The following GRIN2A variants were observed in gnomAD, a reference collection of about 807,000 sequenced individuals.
GRIN2A encodes the protein glutamate receptor ionotropic, NMDA 2A.
GRIN2A carries 22 observed loss-of-function variants against 113.4 expected under a neutral mutation model. The ratio of observed to expected loss-of-function variants is 0.19; its 90% CI spans 0.14 to 0.28. The LOEUF (loss-of-function observed/expected upper bound fraction) is 0.28, where lower values mean the gene tolerates loss of function less well. Ranked by LOEUF, GRIN2A falls within the 10% of genes least tolerant of loss-of-function variation. The probability of loss-of-function intolerance (pLI) is 1.00; values close to 1 mark genes in which losing one functional copy is unlikely to be tolerated. For missense variants in GRIN2A, 1,502 were observed against 1,887.0 expected (o/e 0.80, Z 3.78); for synonymous variants, 827 against 738.4 (o/e 1.12, Z -1.94).
At chr16:9,857,913 G>A (rs908040271) in intron 4 of GRIN2A, among the ~76,000 whole-genome samples, 4 of 152,158 alleles carry the variant, frequency 2.6e-5, no homozygotes, top group Non-Finnish European at 4.4e-5. Flanking sequence ...CATAAATCAC[G>A]CTTTTCTCCA....
chr16:9,875,500 C>A (rs950802647), intron 4 of GRIN2A, among the ~76,000 whole-genome samples: 3 of 152,166 alleles, frequency 2.0e-5, no homozygotes, highest in Admixed American at 2.0e-4. Flanking sequence ...TAGCCAGAAG[C>A]AGATTGCTGG....
intron 3 of GRIN2A, among the ~76,000 whole-genome samples, chr16:9,921,579 G>A (rs937539143): frequency 8.5e-5 from 13 of 152,220 alleles, no homozygotes; most frequent in African/African-American, 2.9e-4. Context: ...ATATAAGATG[G>A]TGCATGTGAA....
intron 4 of GRIN2A, 80 bp from the exon 5 acceptor site, chr16:9,850,041 G>C (rs1298423196): frequency 8.2e-7 from 1 of 1,217,250 alleles, no homozygotes; most frequent in Non-Finnish European, 1.2e-6. Flanking sequence ...CCCTGCCAGA[G>C]ACATCCATCC....
At chr16:9,831,569 G>T (rs2042496782) in intron 8 of GRIN2A, among the ~76,000 whole-genome samples, 1 of 142,808 alleles carries the variant, frequency 7.0e-6, no homozygotes, top group Non-Finnish European at 1.5e-5. Flanking sequence ...AGGCTGCAGT[G>T]CAGTGGCACA....
At chr16:9,955,703 A>T (rs569745418) in intron 2 of GRIN2A, among the ~76,000 whole-genome samples, 67 of 152,310 alleles carry the variant, frequency 4.4e-4, no homozygotes, top group Non-Finnish European at 7.4e-4. Context: ...TATCTCCAGC[A>T]CTGTAGAAGC....
intron 2 of GRIN2A, among the ~76,000 whole-genome samples, chr16:10,120,735 G>A (rs188995061): frequency 1.3e-5 from 2 of 152,122 alleles, no homozygotes; most frequent in African/African-American, 2.4e-5. Flanking sequence ...TAGGTCTTCC[G>A]CATGGTCAAG....
chr16:9,790,908 C>T (rs1306263699), intron 11 of GRIN2A, among the ~76,000 whole-genome samples: 3 of 152,176 alleles, frequency 2.0e-5, no homozygotes, highest in Non-Finnish European at 4.4e-5. Context: ...ACATGGATAG[C>T]GTATGCCCTC....
chr16:9,845,431 G>A (rs28600747), intron 5 of GRIN2A, among the ~76,000 whole-genome samples: 7,824 of 152,186 alleles, frequency 0.051, 671 homozygotes, highest in African/African-American at 0.17. Flanking sequence ...GAAACACAGA[G>A]GGTATTGTTA....
chr16:10,160,539 T>A (rs1158365177), intron 2 of GRIN2A, among the ~76,000 whole-genome samples: 1 of 152,244 alleles, frequency 6.6e-6, no homozygotes, highest in African/African-American at 2.4e-5. Flanking sequence ...AAGCCCCATC[T>A]GCATCTCTCA....
chr16:10,172,049 G>A (rs1427369648), intron 2 of GRIN2A, among the ~76,000 whole-genome samples: 1 of 152,150 alleles, frequency 6.6e-6, no homozygotes, highest in Non-Finnish European at 1.5e-5. Context: ...AAAGATAACT[G>A]CTATTCATAT....
intron 2 of GRIN2A, among the ~76,000 whole-genome samples, chr16:10,134,827 T>C (rs2049157733): frequency 6.6e-6 from 1 of 152,168 alleles, no homozygotes; most frequent in Non-Finnish European, 1.5e-5. Context: ...CTAATATCTA[T>C]TCTTTGCTTC....
chr16:9,840,348 G>T (rs929275301), intron 7 of GRIN2A, among the ~76,000 whole-genome samples: 1 of 151,990 alleles, frequency 6.6e-6, no homozygotes, highest in Non-Finnish European at 1.5e-5. Flanking sequence ...TAAACCGTCA[G>T]ATCTCATGAG....
intron 2 of GRIN2A, among the ~76,000 whole-genome samples, chr16:10,135,479 A>T (rs2049172755): frequency 6.6e-6 from 1 of 152,238 alleles, no homozygotes; most frequent in Non-Finnish European, 1.5e-5. Context: ...TGTGTCTCCA[A>T]ATTATTCTAG....
intron 2 of GRIN2A, among the ~76,000 whole-genome samples, chr16:10,155,536 T>C (rs2049672655): frequency 6.6e-6 from 1 of 152,214 alleles, no homozygotes; most frequent in African/African-American, 2.4e-5. Context: ...ATAATGTGAC[T>C]GCAATACCAT....
At chr16:10,071,442 A>T (rs1468575279) in intron 2 of GRIN2A, among the ~76,000 whole-genome samples, 1 of 152,208 alleles carries the variant, frequency 6.6e-6, no homozygotes, top group African/African-American at 2.4e-5. Context: ...CTTGTTAAGA[A>T]TTTGGGCATG....
intron 3 of GRIN2A, among the ~76,000 whole-genome samples, chr16:9,916,196 G>A (rs1045492436): frequency 1.3e-5 from 2 of 152,136 alleles, no homozygotes; most frequent in African/African-American, 4.8e-5. Context: ...TTGTATATGA[G>A]TCTAAAACAC....
intron 2 of GRIN2A, among the ~76,000 whole-genome samples, chr16:10,134,974 A>G (rs1015418648): frequency 2.0e-5 from 3 of 152,114 alleles, no homozygotes; most frequent in Admixed American, 1.3e-4. Context: ...CTTTCCTAAC[A>G]TGCTTTCCTG....
intron 11 of GRIN2A, among the ~76,000 whole-genome samples, chr16:9,785,289 G>C (rs1902169667): frequency 6.6e-6 from 1 of 152,004 alleles, no homozygotes; most frequent in South Asian, 2.1e-4. Flanking sequence ...ATCCTTTGTA[G>C]GGACATGGAT....
Position 10,176,315 on chromosome 16 carries a change from C to G in GRIN2A, c.414+3683G>C, listed in dbSNP as rs1384162057. ...CCACCTCGCTCAGCCTTATTTTCAC[C>G]TCTAATTTAGTTATATTGCAAGACT... On this transcript the variant is annotated intron_variant, in intron 2 of 12. Transcript: ENST00000330684. Among the ~76,000 whole-genome samples the G allele has an allele frequency of 3.9e-5, 6 of 152,156 alleles. No individual in the cohort carries two copies. In the South Asian group the frequency reaches 1.2e-3, roughly 32 times the overall value.
Sources: gnomAD v4.1 joint callset for allele counts (sites outside exome capture counted in the v4.1 genomes callset) on GRCh38, gnomAD v4.1.1 for gene constraint, MANE v1.5 for transcripts, NCBI Gene and HGNC (gene_info 2026-07-23, HGNC 2026-07-21) for gene names.